DIS3L: variants seen among roughly 807,000 people sequenced by gnomAD.
DIS3L encodes DIS3-like exonuclease 1.
DIS3L carries 100 observed loss-of-function variants against 120.3 expected under a neutral mutation model. The ratio of observed to expected loss-of-function variants is 0.83; its 90% CI spans 0.71 to 0.98. The LOEUF (loss-of-function observed/expected upper bound fraction) is 0.98. DIS3L is among the 50% of genes least tolerant of loss of function. The pLI is 0.00. For missense variants in DIS3L, 1,196 were observed against 1,314.2 expected, an observed-to-expected ratio of 0.91 and a Z score of 1.39; for synonymous variants, 426 against 470.6, an observed-to-expected ratio of 0.91 and a Z score of 1.23.
upstream of DIS3L, chr15:66,293,311 C>A: frequency 3.3e-6 from 1 of 299,198 alleles, no homozygotes; most frequent in East Asian, 9.1e-5. Context: ...ACAGCTGCGC[C>A]CAGCCCTTCT....
At chr15:66,303,276 G>C (rs1344361101) in intron 2 of DIS3L, among the ~76,000 whole-genome samples, 1 of 152,216 alleles carries the variant, frequency 6.6e-6, no homozygotes, top group East Asian at 1.9e-4. Context: ...ACAAATGTCT[G>C]TTTGAGTCCT....
chr15:66,330,423 G>T, intron 14 of DIS3L: 1 of 985,242 alleles, frequency 1.0e-6, no homozygotes, highest in Non-Finnish European at 1.2e-6. Flanking sequence ...CATATTACTA[G>T]TTGCTACAAG....
Position 66,318,585 on chromosome 15 carries a change from T to G in DIS3L, c.1131T>G (p.Ile377Met), listed in dbSNP as rs558457941. 1 of 1,614,088 alleles carries G rather than the reference T, an allele frequency of 6.2e-7. No homozygotes were observed. The highest frequency in any genetic ancestry group is 1.1e-5 in the South Asian group (1 of 91,080). Residue 377 changes from isoleucine to methionine, a missense_variant, in exon 8 of 17, where the codon ATT (isoleucine) becomes ATG (methionine). Transcript: ENST00000319212. Reference sequence around the variant, plus strand: ...CTTGGGATTACAGAATTCCCAAAATTCGAATTAGCACTCAGCAAGCAGAAA... The same window carrying G: ...CTTGGGATTACAGAATTCCCAAAATGCGAATTAGCACTCAGCAAGCAGAAA... ...VTPWDYRIPK[I>M]RISTQQAETL...
chr15:66,298,923 G>C (rs1466810324), intron 2 of DIS3L, among the ~76,000 whole-genome samples: 1 of 152,142 alleles, frequency 6.6e-6, no homozygotes, highest in Non-Finnish European at 1.5e-5. Context: ...GGCAGTAATC[G>C]GGCAATTACA....
rs374752213 is a variant in DIS3L, at chr15:66,325,873, T to G, written c.1710T>G (p.Tyr570Ter). ...TGTGGGAACTGGATAAAGCCTCTTA[T>G]GAAATTAAGAAAGTGTGGTATGGCA... ...SIMWELDKAS[Y>*]EIKKVWYGRT... The change falls in exon 12 of 17, where the codon TAT (tyrosine) becomes TAG (stop). Residue 570 changes from tyrosine (Y) to a stop codon, truncating the protein, a stop_gained. Coordinates refer to ENST00000319212, the MANE Select transcript of DIS3L (RefSeq NM_001143688.3). LOFTEE classifies it high-confidence loss of function. The G allele has an allele frequency of 1.3e-5, 21 of 1,612,828 alleles. No individual in the cohort carries two copies. The highest frequency in any genetic ancestry group is 2.7e-5 in the African/African-American group (2 of 74,928).
intron 2 of DIS3L, among the ~76,000 whole-genome samples, chr15:66,302,323 C>T (rs1012954574): frequency 6.6e-6 from 1 of 152,038 alleles, no homozygotes; most frequent in African/African-American, 2.4e-5. Flanking sequence ...GCCATGATCG[C>T]GCTGCTGCTC....
chr15:66,304,088 T>G (rs1197023421), intron 2 of DIS3L, among the ~76,000 whole-genome samples: 1 of 35,212 alleles, frequency 2.8e-5, no homozygotes, highest in Non-Finnish European at 5.9e-5. Flanking sequence ...AGACTCTGTT[T>G]CAAAAAAAAA....
rs554195045 is a variant in DIS3L at position 66,333,452 on chromosome 15, C to T, written c.*140C>T. On this transcript the variant is annotated 3_prime_UTR_variant, in exon 17 of 17. Coordinates refer to ENST00000319212, the MANE Select transcript of DIS3L (RefSeq NM_001143688.3). ...CGCATATATGTAAAATGTTCTCAGC[C>T]GGGCACGGTGGCTCACGCCTGTAAC... is the stretch of plus-strand genomic sequence containing the variant. The T allele has an allele frequency of 1.9e-5, 18 of 964,726 alleles. No individual in the cohort carries two copies. Among genetic ancestry groups the T allele is most frequent in the South Asian group, 5.5e-5 (3 of 54,120 alleles). The allele number at this position is 964,726 out of a possible 1,614,324, so 59.8% of individuals were successfully genotyped here.
chr15:66,293,872 G>C, intron 1 of DIS3L, 137 bp downstream of exon 1: 1 of 857,330 alleles, frequency 1.2e-6, no homozygotes, highest in South Asian at 6.0e-5. Flanking sequence ...CCCGCTCGCC[G>C]GCCTCACCCC....
At chr15:66,321,630 G>C (rs2092884719) in intron 9 of DIS3L, among the ~76,000 whole-genome samples, 1 of 152,030 alleles carries the variant, frequency 6.6e-6, no homozygotes, top group African/African-American at 2.4e-5. Flanking sequence ...TCTAGGCCTA[G>C]TGGTGGGCGC....
chr15:66,293,635 C>G lies in DIS3L; in HGVS notation c.39C>G (p.Thr13=). 1 of 1,442,824 alleles carries G rather than the reference C, an allele frequency of 6.9e-7. No individual in the cohort carries two copies. Among genetic ancestry groups the G allele is most frequent in the Non-Finnish European group, 9.1e-7 (1 of 1,099,474 alleles). 89.4% of individuals were successfully genotyped at this position (1,442,824 alleles called of 1,614,324 possible). Residue 13 remains threonine, a synonymous_variant, in exon 1 of 17, where the codon ACC becomes ACG. Coordinates refer to ENST00000319212, the MANE Select transcript of DIS3L (RefSeq NM_001143688.3). Reference sequence around the variant, plus strand: ...GGGAGAAGGTGCTGCTGCTGAGGACCTTCCAGGGCCGCACGCTGCGGATCG... The same window carrying G: ...GGGAGAAGGTGCTGCTGCTGAGGACGTTCCAGGGCCGCACGCTGCGGATCG... ...QKREKVLLLR[T]FQGRTLRIVR...
At position 66,315,222 on chromosome 15, in the gene DIS3L, C is replaced by G; in HGVS notation, c.994+7C>G. 1 of 1,601,258 alleles carries G rather than the reference C, an allele frequency of 6.2e-7. No individual in the cohort carries two copies. The highest frequency in any genetic ancestry group is 1.3e-5 in the African/African-American group (1 of 74,870). On this transcript the variant is annotated splice_region_variant and intron_variant, in intron 7 of 16. Transcript: ENST00000319212. ...AGTGAGCCCATGCCTACAGGTGAGC[C>G]AGCTGCAGAGCCACTCCGATGTCCA...
intron 11 of DIS3L, among the ~76,000 whole-genome samples, chr15:66,325,115 C>T (rs920852029): frequency 2.6e-5 from 4 of 152,252 alleles, no homozygotes; most frequent in East Asian, 1.9e-4. Context: ...AGGACATGGC[C>T]GGGCACGGTG....
chr15:66,327,171 G>A (rs546348602), intron 12 of DIS3L, among the ~76,000 whole-genome samples: 3 of 151,250 alleles, frequency 2.0e-5, no homozygotes, highest in South Asian at 2.1e-4. Flanking sequence ...CTCATGATTC[G>A]CCCGTCTCGG....
intron 2 of DIS3L, among the ~76,000 whole-genome samples, chr15:66,306,275 A>C (rs888226928): frequency 6.6e-6 from 1 of 152,210 alleles, no homozygotes; most frequent in Non-Finnish European, 1.5e-5. Flanking sequence ...ACTTTCTGTT[A>C]GTTGTCTGAC....
At chr15:66,307,758 G>A (rs11639144) in intron 3 of DIS3L, among the ~76,000 whole-genome samples, 28,248 of 152,106 alleles carry the variant, frequency 0.19, 3,301 homozygotes, top group Middle Eastern at 0.29. Flanking sequence ...ATTCCCAGAA[G>A]CAGGAGTGAA....
At chr15:66,327,949 G>T (rs1468236597) in intron 12 of DIS3L, among the ~76,000 whole-genome samples, 1 of 152,110 alleles carries the variant, frequency 6.6e-6, no homozygotes, top group Non-Finnish European at 1.5e-5. Flanking sequence ...GCTACTCAGA[G>T]GCTGAGGTGC....
chr15:66,331,617 A>G (rs545614809), intron 14 of DIS3L: 136 of 278,540 alleles, frequency 4.9e-4, no homozygotes, highest in Non-Finnish European at 8.0e-4. Context: ...CAAGGTGAAC[A>G]TGACCCAAAT....
Position 66,315,071 on chromosome 15 carries a change from G to A in DIS3L, c.850G>A (p.Ala284Thr), listed in dbSNP as rs2092802978. 1 of 1,614,078 alleles carries A rather than the reference G, an allele frequency of 6.2e-7. No homozygotes were observed. The change falls in exon 7 of 17, where the codon GCT (alanine) becomes ACT (threonine). Residue 284 changes from alanine to threonine, a missense_variant. Physicochemically the swap from Ala to Thr is moderately conservative, Grantham distance 58. Coordinates refer to ENST00000319212, the MANE Select transcript of DIS3L (RefSeq NM_001143688.3). ...VSDILIHGMK[A>T]RNRSIHGDVV... is the part of the protein sequence containing the mutation. ...TGACATCCTAATCCACGGGATGAAG[G>A]CTCGAAACCGCTCAATTCATGGAGA... is the stretch of plus-strand genomic sequence containing the variant.
Sources: allele counts gnomAD v4.1 joint callset (sites outside exome capture counted in the v4.1 genomes callset), GRCh38; gene constraint gnomAD v4.1.1; transcripts MANE v1.5; gene names NCBI Gene and HGNC (gene_info 2026-07-23, HGNC 2026-07-21).